Variants in USP34 observed in about 807,000 individuals in gnomAD.
The protein encoded by USP34 is ubiquitin carboxyl-terminal hydrolase 34.
A neutral mutation model predicts 460.3 loss-of-function variants in USP34; 70 were observed. The ratio of observed to expected loss-of-function variants is 0.15; its 90% confidence interval spans 0.13 to 0.19. The LOEUF (loss-of-function observed/expected upper bound fraction) is 0.19. Ranked by LOEUF, USP34 falls within the 10% of genes least tolerant of loss-of-function variation. The probability of loss-of-function intolerance (pLI) is 1.00; values close to 1 mark genes in which losing one functional copy is unlikely to be tolerated. For missense variants in USP34, 3,985 were observed against 4,236.2 expected, an observed-to-expected ratio of 0.94 and a Z score of 1.65; for synonymous variants, 1,647 against 1,405.3, an observed-to-expected ratio of 1.17 and a Z score of -3.85.
chr2:61,192,805 A>G (rs1208990157), intron 76 of USP34, 96 bp downstream of exon 76: 3 of 948,010 alleles, frequency 3.2e-6, no homozygotes, highest in Non-Finnish European at 4.7e-6. Flanking sequence ...AAATGTCCCC[A>G]CTTTTCAGCA....
At chr2:61,383,634 C>G (rs1304525989) in intron 5 of USP34, among the ~76,000 whole-genome samples, 7 of 151,586 alleles carry the variant, frequency 4.6e-5, no homozygotes, top group Non-Finnish European at 1.0e-4. Flanking sequence ...ACCCCCACCC[C>G]CGGGGGGGGC....
chr2:61,297,246 T>A (rs563085872), intron 29 of USP34, among the ~76,000 whole-genome samples: 17 of 152,194 alleles, frequency 1.1e-4, no homozygotes, highest in Non-Finnish European at 1.9e-4. Context: ...AATATGACAA[T>A]CATCTATTTC....
Position 61,233,495 on chromosome 2 carries a change from G to A in USP34, c.7033-963C>T, listed in dbSNP as rs1358352662. Among the ~76,000 whole-genome samples the A allele has an allele frequency of 2.6e-5, 4 of 152,230 alleles. No individual in the cohort carries two copies. In the East Asian group the frequency reaches 7.7e-4, roughly 29 times the overall value. On this transcript the variant is annotated intron_variant, in intron 57 of 79. Transcript: ENST00000398571. ...ACTGAAAATTTTTTTTTGAGATGGA[G>A]AAAACTGAACATAGGATGGGTATTA...
At position 61,204,743 on chromosome 2, in the gene USP34, C is replaced by A. The variant is rs184772784; in HGVS notation, c.9155-142G>T. 1.9e-5 allele frequency: 12 copies of A among 645,818 alleles called. No individual in the cohort carries two copies. In the Admixed American group the frequency reaches 3.5e-4, roughly 19 times the overall value. The allele number at this position is 645,818 out of a possible 1,614,324, so 40.0% of individuals were successfully genotyped here. A position where few individuals can be genotyped will look rare whatever the true frequency, so the allele number is the denominator to read the frequency against. ...TAAGCTCCTGACACGAGTAGAAATT[C>A]TGTCTTATGCTCAATCAAGTTTAGA... On this transcript the variant is annotated intron_variant, in intron 72 of 79. Transcript: ENST00000398571.
intron 21 of USP34, among the ~76,000 whole-genome samples, chr2:61,321,550 A>G (rs981563577): frequency 6.6e-6 from 1 of 152,230 alleles, no homozygotes; most frequent in African/African-American, 2.4e-5. Context: ...TCACATTCAT[A>G]CAACATTTTG....
intron 67 of USP34, 123 bp from the exon 68 acceptor site, chr2:61,214,817 A>G (rs1003695721): frequency 8.8e-7 from 1 of 1,134,466 alleles, no homozygotes; most frequent in Non-Finnish European, 1.2e-6. Context: ...GGACATGAAC[A>G]TCTCTTTTAG....
chr2:61,228,668 T>A lies in USP34; in HGVS notation c.7420A>T (p.Met2474Leu), dbSNP rs372136144. 1 of 1,611,732 alleles carries A rather than the reference T, an allele frequency of 6.2e-7. No individual in the cohort carries two copies. Among genetic ancestry groups the A allele is most frequent in the South Asian group, 1.1e-5 (1 of 90,358 alleles). Residue 2474 changes from methionine to leucine, a missense_variant, in exon 61 of 80, where the codon ATG becomes TTG. Met to Leu is a conservative substitution (Grantham distance 15, BLOSUM62 2). Around this residue, in one of 14 missense-constraint regions of USP34, gnomAD observed 604 missense variants for 684.8 expected, o/e 0.88. Coordinates refer to ENST00000398571, the MANE Select transcript of USP34 (RefSeq NM_014709.4). The part of the protein sequence containing the change: ...QAISTMVHFY[M>L]GTKGPENPQV... The stretch of plus-strand genomic sequence containing the variant: ...ACATTTTCAGGTCCTTTTGTTCCCA[T>A]GTAAAAATGTACCATTGTAGATATA...
intron 76 of USP34, among the ~76,000 whole-genome samples, chr2:61,191,960 G>A (rs923924690): frequency 6.6e-6 from 1 of 152,206 alleles, no homozygotes; most frequent in Non-Finnish European, 1.5e-5. Flanking sequence ...TTCTACTGTA[G>A]AGAACAACGT....
intron 33 of USP34, among the ~76,000 whole-genome samples, chr2:61,289,288 G>C (rs1027977954): frequency 6.6e-6 from 1 of 151,998 alleles, no homozygotes; most frequent in Admixed American, 6.6e-5. Context: ...GTCTCCCAAC[G>C]AGTGGCACAA....
In USP34 at chr2:61,203,233, G is replaced by A; in HGVS notation, c.9415C>T (p.Leu3139=). ...TGATGATAAGAAAAGAAGTAGTCTAGCAGCATACGATCATAAACGTCATCT... is the reference window on the plus strand; with the variant it reads ...TGATGATAAGAAAAGAAGTAGTCTAACAGCATACGATCATAAACGTCATCT... ...GKDDVYDRML[L]DYFFSYHQFI... Residue 3139 remains leucine (L), a synonymous_variant, in exon 75 of 80, where the codon CTA becomes TTA. Transcript: ENST00000398571. 1 of 1,592,746 alleles carries A rather than the reference G, an allele frequency of 6.3e-7. No individual in the cohort carries two copies. Among genetic ancestry groups the A allele is most frequent in the Non-Finnish European group, 8.6e-7 (1 of 1,169,448 alleles).
intron 10 of USP34, among the ~76,000 whole-genome samples, chr2:61,364,948 TATAAATAA>T (rs554653056): frequency 6.7e-6 from 1 of 148,588 alleles, no homozygotes; most frequent in African/African-American, 2.5e-5. Flanking sequence ...AATTTAAAAA[TATAAATAA>T]ATAAATAAAT....
At chr2:61,259,824 T>C (rs375452287) in intron 43 of USP34, 48 bp from the exon 44 acceptor site, 3 of 1,560,904 alleles carry the variant, frequency 1.9e-6, no homozygotes, top group Non-Finnish European at 2.6e-6. Flanking sequence ...ATGATGGTAG[T>C]AAATTAGGCA....
intron 33 of USP34, among the ~76,000 whole-genome samples, chr2:61,291,520 T>C (rs1047061316): frequency 6.6e-6 from 1 of 152,190 alleles, no homozygotes; most frequent in East Asian, 1.9e-4. Context: ...TGATCAATCT[T>C]CCACTCCCTG....
rs191474821 is a variant in USP34, at chr2:61,325,378, A to G, written c.3010T>C (p.Phe1004Leu). Residue 1004 changes from phenylalanine to leucine, a missense_variant, in exon 21 of 80, where the codon TTC becomes CTC. Physicochemically the swap from Phe to Leu is conservative, Grantham distance 22. This residue lies in a region of USP34 where 1,114 missense variants were observed against 1,122.5 expected (regional missense o/e 0.99). Transcript: ENST00000398571. The stretch of plus-strand genomic sequence containing the variant: ...AAGTACTGATTAAAAAACTTACTGA[A>G]ATGATCAGGTGATCCCAGAGTTGAA... ...VFSTLGSPDH[F>L]RLSLEQVDIL... 8.4e-6 allele frequency: 13 copies of G among 1,542,794 alleles called. No homozygotes were observed. The highest frequency in any genetic ancestry group is 1.1e-5 in the Non-Finnish European group (13 of 1,151,910).
chr2:61,423,020 C>A (rs1297593492), intron 1 of USP34, among the ~76,000 whole-genome samples: 1 of 152,112 alleles, frequency 6.6e-6, no homozygotes, highest in Non-Finnish European at 1.5e-5. Flanking sequence ...CAGAGTGAGA[C>A]CCCCTCTCAA....
chr2:61,327,421 G>A (rs573147060), intron 20 of USP34, among the ~76,000 whole-genome samples: 5 of 152,230 alleles, frequency 3.3e-5, no homozygotes, highest in Middle Eastern at 3.4e-3. Context: ...AGCTCTTAAG[G>A]GCTTCTAGGC....
chr2:61,228,164 T>G (rs139079040), intron 61 of USP34, among the ~76,000 whole-genome samples: 1 of 152,214 alleles, frequency 6.6e-6, no homozygotes, highest in South Asian at 2.1e-4. Context: ...AAAGGGTACT[T>G]ATCTCTTATG....
chr2:61,334,306 T>A (rs978272177), intron 18 of USP34, among the ~76,000 whole-genome samples: 2 of 152,160 alleles, frequency 1.3e-5, no homozygotes, highest in Non-Finnish European at 2.9e-5. Context: ...CAATATGATT[T>A]GCATTCAAAT....
At chr2:61,448,528 T>C (rs540037435) in intron 1 of USP34, among the ~76,000 whole-genome samples, 8 of 152,266 alleles carry the variant, frequency 5.3e-5, no homozygotes, top group African/African-American at 1.4e-4. Flanking sequence ...ACCTCCATGG[T>C]TGACAGATCA....
Sources: gnomAD v4.1 joint callset for allele counts (sites outside exome capture counted in the v4.1 genomes callset) on GRCh38, gnomAD v4.1.1 for gene constraint, gnomAD v4.1.1 regional missense constraint, MANE v1.5 for transcripts, NCBI Gene and HGNC (gene_info 2026-07-23, HGNC 2026-07-21) for gene names.